RIN3: variants seen among roughly 807,000 people sequenced by gnomAD.
The protein encoded by RIN3 is RAB5 interacting protein 3.
RIN3 carries 54 observed loss-of-function variants against 76.3 expected under a neutral mutation model. The ratio of observed to expected loss-of-function variants is 0.71; its 90% CI spans 0.57 to 0.89. The LOEUF (loss-of-function observed/expected upper bound fraction) is 0.89, where lower values mean the gene tolerates loss of function less well. Among genes scored for constraint, RIN3 ranks in the 40% least tolerant of loss-of-function variants. RIN3 has a pLI of 0.00. For synonymous variants in RIN3, 576 were observed against 564.0 expected, an observed-to-expected ratio of 1.02 and a Z score of -0.30; for missense variants, 1,256 against 1,322.1, an observed-to-expected ratio of 0.95 and a Z score of 0.78.
intron 3 of RIN3, among the ~76,000 whole-genome samples, chr14:92,599,355 C>G (rs995377756): frequency 6.6e-6 from 1 of 152,122 alleles, no homozygotes; most frequent in Non-Finnish European, 1.5e-5. Flanking sequence ...GCAGTTATGG[C>G]AGACATGGAG....
chr14:92,566,152 G>T (rs1427171438), intron 2 of RIN3, among the ~76,000 whole-genome samples: 1 of 152,186 alleles, frequency 6.6e-6, no homozygotes, highest in African/African-American at 2.4e-5. Context: ...GGATGCTATT[G>T]TTCGTCTAGT....
intron 6 of RIN3, among the ~76,000 whole-genome samples, chr14:92,655,025 T>C (rs11849307): frequency 0.16 from 24,316 of 151,830 alleles, 2,212 homozygotes; most frequent in East Asian, 0.28. Context: ...ATTAGCCAGG[T>C]GTGGTGGCGC....
At chr14:92,613,590 T>C (rs1291641507) in intron 3 of RIN3, among the ~76,000 whole-genome samples, 1 of 152,204 alleles carries the variant, frequency 6.6e-6, no homozygotes, top group African/African-American at 2.4e-5. Context: ...CACAGACCTC[T>C]AATGCTGTGG....
At chr14:92,597,631 G>GTGGGGTAGA (rs1885197458) in intron 3 of RIN3, among the ~76,000 whole-genome samples, 1 of 152,168 alleles carries the variant, frequency 6.6e-6, no homozygotes, top group Non-Finnish European at 1.5e-5. Flanking sequence ...GACCCTTGGA[G>GTGGGGTAGA]TGGGGTAGAT....
chr14:92,661,648 C>T (rs909248971), intron 7 of RIN3, among the ~76,000 whole-genome samples: 3 of 151,558 alleles, frequency 2.0e-5, no homozygotes, highest in Non-Finnish European at 4.4e-5. Context: ...CACTTGAACC[C>T]GGGAGGCAGA....
chr14:92,640,993 C>T (rs1886988772), intron 4 of RIN3, among the ~76,000 whole-genome samples: 3 of 152,122 alleles, frequency 2.0e-5, no homozygotes, highest in South Asian at 4.2e-4. Flanking sequence ...CAAGGAGAAG[C>T]AGTGACCCCG....
rs1447164221 is a variant in RIN3, at chr14:92,653,028, A to G, written c.1979A>G (p.Glu660Gly). 8 of 1,610,364 alleles carry G rather than the reference A, an allele frequency of 5.0e-6. No individual in the cohort carries two copies. The highest frequency in any genetic ancestry group is 6.8e-6 in the Non-Finnish European group (8 of 1,179,924). The change falls in exon 6 of 10, where the codon GAG (glutamate) becomes GGG (glycine). Residue 660 changes from glutamate to glycine, a missense_variant. By Grantham distance (98) the Glu-to-Gly change is moderately conservative. This residue lies in a region of RIN3 where 428 missense variants were observed against 521.2 expected (regional missense o/e 0.82). Coordinates refer to ENST00000216487, the MANE Select transcript of RIN3 (RefSeq NM_024832.5). ...QLKSYLLQSTELKALVDPALH... is the reference protein window; with the variant it reads ...QLKSYLLQSTGLKALVDPALH... ...AAGAGCTACCTGCTGCAGAGCACCG[A>G]GCTCAAGGCCCTGGTGGACCCCGCC...
intron 7 of RIN3, among the ~76,000 whole-genome samples, chr14:92,665,956 A>G (rs1888083522): frequency 6.6e-6 from 1 of 152,030 alleles, no homozygotes; most frequent in South Asian, 2.1e-4. Context: ...GAGGTGTGGT[A>G]TGCAGCCCAG....
chr14:92,554,325 C>G (rs1315263135), intron 1 of RIN3, among the ~76,000 whole-genome samples: 3 of 152,108 alleles, frequency 2.0e-5, no homozygotes, highest in Non-Finnish European at 4.4e-5. Context: ...ATCCCTTAAA[C>G]CGGACAGAAC....
intron 3 of RIN3, among the ~76,000 whole-genome samples, chr14:92,607,127 A>G (rs1360657227): frequency 2.6e-5 from 4 of 152,272 alleles, no homozygotes; most frequent in African/African-American, 9.6e-5. Context: ...CAGGATATAC[A>G]GATGGCAAAC....
rs1566903320 is a variant in RIN3, at chr14:92,681,735, G to A, written c.2468-3252G>A. Among the ~76,000 whole-genome samples, 1 of 152,196 alleles carries A rather than the reference G, an allele frequency of 6.6e-6. No homozygotes were observed. The highest frequency in any genetic ancestry group is 1.5e-5 in the Non-Finnish European group (1 of 68,034). On this transcript the variant is annotated intron_variant, in intron 8 of 9. Coordinates refer to ENST00000216487, the MANE Select transcript of RIN3 (RefSeq NM_024832.5). The surrounding 1 kb of genome is among the most constrained non-coding windows in gnomAD (Gnocchi z 4.7). The stretch of plus-strand genomic sequence containing the variant: ...GGACTTGGGGCAGCAAGGGCTGGGG[G>A]CACCAGAGCCGACTTCCTGGCCTGG...
chr14:92,611,051 C>CA (rs137881231), intron 3 of RIN3, among the ~76,000 whole-genome samples: 20,269 of 152,156 alleles, frequency 0.13, 1,680 homozygotes, highest in Middle Eastern at 0.23. Context: ...AGCCTTAGAG[C>CA]AACATAAACT....
At chr14:92,618,614 G>A (rs1327831419) in intron 4 of RIN3, among the ~76,000 whole-genome samples, 1 of 152,166 alleles carries the variant, frequency 6.6e-6, no homozygotes, top group African/African-American at 2.4e-5. Flanking sequence ...GCATGGGAAA[G>A]CTTTTATACA....
chr14:92,609,592 C>A (rs964683846), intron 3 of RIN3, among the ~76,000 whole-genome samples: 2 of 152,284 alleles, frequency 1.3e-5, no homozygotes, highest in South Asian at 4.1e-4. Context: ...GGGTGCTGGA[C>A]GGCCTGAGGC....
At chr14:92,530,948 T>C (rs1896865449) in intron 1 of RIN3, among the ~76,000 whole-genome samples, 1 of 152,134 alleles carries the variant, frequency 6.6e-6, no homozygotes, top group Non-Finnish European at 1.5e-5. Flanking sequence ...TCTTGTCATC[T>C]GCTGGCAAAG....
At chr14:92,676,292 G>C (rs2273924) in intron 7 of RIN3, among the ~76,000 whole-genome samples, 183 bp from the exon 8 acceptor site, 18 of 151,636 alleles carry the variant, frequency 1.2e-4, no homozygotes, top group African/African-American at 4.4e-4. Context: ...ACTGTTTCTC[G>C]GGCCTCCTGA....
At chr14:92,630,165 G>A (rs1369179730) in intron 4 of RIN3, among the ~76,000 whole-genome samples, 2 of 152,156 alleles carry the variant, frequency 1.3e-5, no homozygotes, top group Non-Finnish European at 2.9e-5. Flanking sequence ...CGTTATATTG[G>A]TGCTGAAGGA....
chr14:92,577,887 C>G (rs539530042), intron 3 of RIN3, among the ~76,000 whole-genome samples: 67 of 152,292 alleles, frequency 4.4e-4, no homozygotes, highest in African/African-American at 1.6e-3. Context: ...TCTCTTCTGT[C>G]AAGTGGACAT....
At chr14:92,677,058 C>G (rs537768988) in intron 8 of RIN3, among the ~76,000 whole-genome samples, 8 of 152,296 alleles carry the variant, frequency 5.3e-5, no homozygotes, top group South Asian at 2.1e-4. Context: ...CAGTAAGAGT[C>G]TGAGAGACAG....
Sources: allele counts gnomAD v4.1 joint callset (sites outside exome capture counted in the v4.1 genomes callset), GRCh38; gene constraint gnomAD v4.1.1; regional missense constraint gnomAD v4.1.1; non-coding constraint Gnocchi (gnomAD v3.1); transcripts MANE v1.5; gene names NCBI Gene and HGNC (gene_info 2026-07-23, HGNC 2026-07-21).